PTH2R: variants seen among roughly 807,000 people sequenced by gnomAD.
PTH2R encodes PTH2 receptor.
In PTH2R, 59 loss-of-function variants were observed where a neutral mutation model predicts 60.3. That is an observed-to-expected ratio of 0.98 (90% CI 0.79 to 1.22). The LOEUF is 1.22. Ranked by LOEUF, PTH2R falls within the 50% of genes most tolerant of loss-of-function variation. PTH2R has a pLI of 0.00. For synonymous variants in PTH2R, 256 were observed against 243.8 expected (o/e 1.05, Z -0.47); for missense variants, 749 against 682.6 (o/e 1.10, Z -1.08).
intron 1 of PTH2R, among the ~76,000 whole-genome samples, chr2:208,381,931 TAGAG>T (rs1469762825): frequency 6.6e-6 from 1 of 152,098 alleles, no homozygotes; most frequent in Non-Finnish European, 1.5e-5. Flanking sequence ...AGGAATTTGT[TAGAG>T]AGCAAGGATG....
intron 4 of PTH2R, among the ~76,000 whole-genome samples, chr2:208,442,043 C>G (rs1041025345): frequency 6.6e-6 from 1 of 151,904 alleles, no homozygotes; most frequent in African/African-American, 2.4e-5. Context: ...ACATGTAATC[C>G]TAAGAAGTCT....
In PTH2R at chr2:208,365,920, TAATAGATA is replaced by T. The variant is rs1480898266; in HGVS notation, c.-259+5688_-259+5695del. ...ACAGCTAATTTATATATATATAATA[TAATAGATA>T]AATATATATATATATATATATATAT... On this transcript the variant is annotated intron_variant, in intron 1 of 12. Transcript: ENST00000617735. Among the ~76,000 whole-genome samples the T allele has an allele frequency of 2.4e-3, 243 of 101,202 alleles. 5 individuals carry two copies. The highest frequency in any genetic ancestry group is 9.5e-3 in the African/African-American group (232 of 24,326). 66.4% of individuals were successfully genotyped at this position (101,202 alleles called of 152,430 possible).
chr2:208,388,619 G>C (rs1574829787), intron 1 of PTH2R, among the ~76,000 whole-genome samples: 1 of 152,282 alleles, frequency 6.6e-6, no homozygotes, highest in African/African-American at 2.4e-5. Flanking sequence ...ATGTCTTTAT[G>C]AGTTGTGTGG....
chr2:208,444,862 GT>G lies in PTH2R; in HGVS notation c.829del (p.Trp277GlyfsTer5), dbSNP rs1241306553. On this transcript the variant is annotated frameshift_variant, in exon 7 of 13. Transcript: ENST00000272847. LOFTEE classifies it high-confidence loss of function. ...VAFFSDTKYL[W>X]GFILIGWGFP... is the part of the protein sequence containing the mutation. Reference sequence around the variant, plus strand: ...CTTTCTTTTCGGACACCAAATACCTGTGGGGCTTCATCTTGATAGGCTGGGG... The same window carrying G: ...CTTTCTTTTCGGACACCAAATACCTGGGGGCTTCATCTTGATAGGCTGGGG... 5.6e-6 allele frequency: 9 copies of G among 1,613,286 alleles called. No individual in the cohort carries two copies. The highest frequency in any genetic ancestry group is 7.6e-6 in the Non-Finnish European group (9 of 1,179,662).
Position 208,437,878 on chromosome 2 carries a change from A to G in PTH2R, c.408A>G (p.Gly136=). ...LRFLQPDISI[G]KQEFFERLYV... is the part of the protein sequence containing the mutation. ...TTCTGCAGCCAGATATCAGCATAGGAAAGGTAATGGAATTTCTCTATTTGT... is the reference window on the plus strand; with the variant it reads ...TTCTGCAGCCAGATATCAGCATAGGGAAGGTAATGGAATTTCTCTATTTGT... The change falls in exon 4 of 13, where the codon GGA becomes GGG. Residue 136 remains glycine, a synonymous_variant. Coordinates refer to ENST00000272847, the MANE Select transcript of PTH2R (RefSeq NM_005048.4). The G allele has an allele frequency of 6.2e-7, 1 of 1,611,596 alleles. No individual in the cohort carries two copies. Among genetic ancestry groups the G allele is most frequent in the East Asian group, 2.2e-5 (1 of 44,824 alleles).
chr2:208,480,610 A>AC (rs1487318740), intron 9 of PTH2R, among the ~76,000 whole-genome samples: 2 of 152,222 alleles, frequency 1.3e-5, no homozygotes, highest in Non-Finnish European at 1.5e-5. Flanking sequence ...TTTAAAAAAA[A>AC]ACACACACTT....
chr2:208,419,327 A>G (rs1701704026), intron 1 of PTH2R, among the ~76,000 whole-genome samples: 1 of 152,190 alleles, frequency 6.6e-6, no homozygotes, highest in South Asian at 2.1e-4. Context: ...TCTTCTTTTG[A>G]GAAGTGTCTG....
At chr2:208,418,889 A>C (rs749553936) in intron 1 of PTH2R, among the ~76,000 whole-genome samples, 1 of 152,216 alleles carries the variant, frequency 6.6e-6, no homozygotes, top group Non-Finnish European at 1.5e-5. Flanking sequence ...GAAGTACCAA[A>C]TGTGTGGGCA....
At chr2:208,404,758 G>A (rs1433744374), upstream of PTH2R, among the ~76,000 whole-genome samples, 6 of 151,984 alleles carry the variant, frequency 3.9e-5, no homozygotes, top group East Asian at 1.2e-3. Context: ...GATGTACCCC[G>A]AGAAGTACCC....
intron 1 of PTH2R, 72 bp downstream of exon 1, chr2:208,407,190 G>A: frequency 7.7e-7 from 1 of 1,292,176 alleles, no homozygotes. Flanking sequence ...GCGACACGGA[G>A]GCCAGGTGCG....
At chr2:208,467,156 C>T (rs535943922) in intron 9 of PTH2R, among the ~76,000 whole-genome samples, 129 of 152,240 alleles carry the variant, frequency 8.5e-4, no homozygotes, top group African/African-American at 3.1e-3. Context: ...GTTAATTGGT[C>T]ATCCTGTAAC....
intron 1 of PTH2R, among the ~76,000 whole-genome samples, chr2:208,427,293 A>AC (rs1701875828): frequency 3.9e-5 from 6 of 152,206 alleles, no homozygotes; most frequent in Non-Finnish European, 2.9e-5. Context: ...AACGAATGGG[A>AC]AGGAGTCAAT....
chr2:208,374,750 C>A (rs943342880), intron 1 of PTH2R, among the ~76,000 whole-genome samples: 10 of 152,100 alleles, frequency 6.6e-5, no homozygotes, highest in Non-Finnish European at 1.2e-4. Flanking sequence ...AGGTGATCTG[C>A]CTGCCTCAGC....
Position 208,434,299 on chromosome 2 carries a change from CA to C in PTH2R, c.179-3225del, listed in dbSNP as rs59899639. Among the ~76,000 whole-genome samples, 594 of 139,180 alleles carry C rather than the reference CA, an allele frequency of 4.3e-3. 2 individuals carry two copies. Among genetic ancestry groups the C allele is most frequent in the African/African-American group, 0.01 (388 of 38,148 alleles). 91.3% of individuals were successfully genotyped at this position (139,180 alleles called of 152,430 possible). On this transcript the variant is annotated intron_variant, in intron 2 of 12. Coordinates refer to ENST00000272847, the MANE Select transcript of PTH2R (RefSeq NM_005048.4). Reference sequence around the variant, plus strand: ...CTAACTCCAGAGTGAGACTCTGTCTCAAAAAAAAAAAAATCTCTATTTTCTA... The same window carrying C: ...CTAACTCCAGAGTGAGACTCTGTCTCAAAAAAAAAAAATCTCTATTTTCTA...
rs180944191 is a variant in PTH2R at position 208,442,862 on chromosome 2, C to T, written c.509+401C>T. Among the ~76,000 whole-genome samples the T allele has an allele frequency of 2.6e-4, 39 of 152,124 alleles. 1 individual carries two copies. Among genetic ancestry groups the T allele is most frequent in the African/African-American group, 9.2e-4 (38 of 41,432 alleles). ...TTTGTTATGGTTTATTTTTTATCCA[C>T]TTTAACATGTGTCCAATTCCATTCA... On this transcript the variant is annotated intron_variant, in intron 5 of 12. Coordinates refer to ENST00000272847, the MANE Select transcript of PTH2R (RefSeq NM_005048.4).
intron 1 of PTH2R, among the ~76,000 whole-genome samples, chr2:208,389,378 A>G (rs1701065671): frequency 6.6e-6 from 1 of 152,244 alleles, no homozygotes; most frequent in Non-Finnish European, 1.5e-5. Flanking sequence ...GCTCGTCACA[A>G]TTGTTATGCT....
At chr2:208,440,649 C>T (rs910198918) in intron 4 of PTH2R, among the ~76,000 whole-genome samples, 1 of 152,012 alleles carries the variant, frequency 6.6e-6, no homozygotes, top group African/African-American at 2.4e-5. Context: ...CCTAGGACCA[C>T]AGTAGAAGGG....
chr2:208,428,369 T>C, intron 2 of PTH2R, 66 bp downstream of exon 2: 1 of 1,145,602 alleles, frequency 8.7e-7, no homozygotes, highest in South Asian at 1.4e-5. Context: ...ATTGCACATT[T>C]CCCTCCTTCT....
chr2:208,490,689 G>A lies in PTH2R; in HGVS notation c.1257+9G>A, dbSNP rs1703384609. On this transcript the variant is annotated intron_variant, in intron 12 of 12. Transcript: ENST00000272847. ...GCTACTGCAATGGAGAGGTAGGTTTGTAGGAACCTTGGACAGGTCTCGCTT... is the reference window on the plus strand; with the variant it reads ...GCTACTGCAATGGAGAGGTAGGTTTATAGGAACCTTGGACAGGTCTCGCTT... 2 of 1,607,546 alleles carry A rather than the reference G, an allele frequency of 1.2e-6. No individual in the cohort carries two copies. The highest frequency in any genetic ancestry group is 4.5e-5 in the East Asian group (2 of 44,408).
Sources: gnomAD v4.1 joint callset for allele counts (sites outside exome capture counted in the v4.1 genomes callset) on GRCh38, gnomAD v4.1.1 for gene constraint, MANE v1.5 for transcripts, NCBI Gene and HGNC (gene_info 2026-07-23, HGNC 2026-07-21) for gene names.